PHF21B: variants seen among roughly 807,000 people sequenced by gnomAD.
PHF21B encodes the protein PHD finger protein 21B.
PHF21B carries 22 observed loss-of-function variants against 62.2 expected under a neutral mutation model. That is an observed-to-expected ratio of 0.35 (90% confidence interval 0.25 to 0.51). The LOEUF (loss-of-function observed/expected upper bound fraction) is 0.51, where lower values mean the gene tolerates loss of function less well. PHF21B is among the 20% of genes least tolerant of loss of function. The pLI, the probability that PHF21B is intolerant of heterozygous loss-of-function variation, is 0.97. For synonymous variants in PHF21B, 341 were observed against 314.7 expected (o/e 1.08, Z -0.88); for missense variants, 701 against 707.9 (o/e 0.99, Z 0.11).
At chr22:44,954,807 T>G (rs2072262181) in intron 2 of PHF21B, among the ~76,000 whole-genome samples, 1 of 151,728 alleles carries the variant, frequency 6.6e-6, no homozygotes, top group Non-Finnish European at 1.5e-5. Flanking sequence ...AACCGAGGAG[T>G]GGTCTGGCCC....
chr22:44,926,930 G>A (rs1352728259), intron 2 of PHF21B, among the ~76,000 whole-genome samples: 2 of 152,144 alleles, frequency 1.3e-5, no homozygotes. Context: ...GCACAGCTCT[G>A]CTTCCACACG....
chr22:44,895,921 C>T, intron 6 of PHF21B, 111 bp downstream of exon 6: 5 of 1,151,702 alleles, frequency 4.3e-6, no homozygotes, highest in Non-Finnish European at 5.2e-6. Flanking sequence ...ACGCTCCACC[C>T]ATATCGGCTG....
At chr22:44,902,363 C>A in intron 5 of PHF21B, 1 of 347,266 alleles carries the variant, frequency 2.9e-6, no homozygotes. Context: ...TCCTCAGCTC[C>A]AGGGCTACCT....
At chr22:44,901,961 CA>C in intron 5 of PHF21B, 1 of 211,378 alleles carries the variant, frequency 4.7e-6, no homozygotes, top group Non-Finnish European at 9.8e-6. Context: ...TGAGCCATGG[CA>C]AAAACCCCTT....
At chr22:44,945,011 G>C (rs1009802640) in intron 2 of PHF21B, among the ~76,000 whole-genome samples, 1 of 116,894 alleles carries the variant, frequency 8.6e-6, no homozygotes, top group South Asian at 2.4e-4. Context: ...CCTGCATACC[G>C]GGCTGCGCCT....
At chr22:44,967,774 G>A (rs549929403) in intron 2 of PHF21B, among the ~76,000 whole-genome samples, 36 of 152,206 alleles carry the variant, frequency 2.4e-4, no homozygotes, top group Admixed American at 1.6e-3. Context: ...GGATCCCAAC[G>A]AGGATCCCAC....
intron 2 of PHF21B, among the ~76,000 whole-genome samples, chr22:44,972,334 C>T (rs41278903): frequency 0.032 from 4,830 of 152,258 alleles, 102 homozygotes; most frequent in Middle Eastern, 0.061. Context: ...TCATGAGTGA[C>T]GGATTTGGGC....
intron 2 of PHF21B, among the ~76,000 whole-genome samples, chr22:44,946,663 T>C (rs1398766438): frequency 6.6e-6 from 1 of 151,988 alleles, no homozygotes; most frequent in East Asian, 1.9e-4. Context: ...GGTGCGTGGG[T>C]AGAATCAATT....
intron 2 of PHF21B, among the ~76,000 whole-genome samples, chr22:44,949,279 T>C (rs136706): frequency 0.88 from 128,205 of 146,264 alleles, 56,225 homozygotes; most frequent in East Asian, 0.97. Context: ...TCAGCCTGGG[T>C]AACAAGAGCG....
chr22:44,896,878 C>CTTTTTTTTTTTTTTTTTTTTTTT (rs1439624625), intron 5 of PHF21B, among the ~76,000 whole-genome samples: 1 of 37,328 alleles, frequency 2.7e-5, no homozygotes, highest in Non-Finnish European at 5.9e-5. Flanking sequence ...TTAGTTTTAT[C>CTTTTTTTTTTTTTTTTTTTTTTT]TGTTTTTTTT....
intron 5 of PHF21B, among the ~76,000 whole-genome samples, chr22:44,903,690 AC>A (rs1405305789): frequency 6.6e-6 from 1 of 152,232 alleles, no homozygotes; most frequent in Non-Finnish European, 1.5e-5. Flanking sequence ...AAGTAATTGC[AC>A]AATTACTTTT....
At position 45,009,588 on chromosome 22, in the gene PHF21B, C is replaced by T. The variant is rs1463607262; in HGVS notation, c.-39G>A. The T allele has an allele frequency of 6.6e-7, 1 of 1,520,464 alleles. No homozygotes were observed. Among genetic ancestry groups the T allele is most frequent in the Non-Finnish European group, 8.7e-7 (1 of 1,145,348 alleles). 94.2% of individuals were successfully genotyped at this position (1,520,464 alleles called of 1,614,324 possible). On this transcript the variant is annotated 5_prime_UTR_variant, in exon 1 of 13. Transcript: ENST00000313237. The surrounding 1 kb of genome is among the most constrained non-coding windows in gnomAD (Gnocchi z 5.9). ...GCAGCACTTTGCGCTCACTTTGGCC[C>T]GGGCTCCCGGGAAGTTGCGCGGCTC... is the stretch of plus-strand genomic sequence containing the variant.
chr22:44,988,967 C>T (rs1169570390), intron 2 of PHF21B, among the ~76,000 whole-genome samples: 2 of 152,176 alleles, frequency 1.3e-5, no homozygotes, highest in African/African-American at 4.8e-5. Flanking sequence ...CACCCTCAGC[C>T]TCTTTTATAA....
chr22:44,883,885 T>C (rs2070781773), intron 12 of PHF21B, among the ~76,000 whole-genome samples: 1 of 151,738 alleles, frequency 6.6e-6, no homozygotes, highest in Admixed American at 6.6e-5. Flanking sequence ...GAGGATTAAA[T>C]GAGACACTGC....
intron 2 of PHF21B, among the ~76,000 whole-genome samples, chr22:44,984,029 T>C (rs112995560): frequency 0.067 from 10,060 of 149,544 alleles, 546 homozygotes; most frequent in South Asian, 0.16. Context: ...GCCATCATCA[T>C]TGGCATCATC....
Position 44,913,946 on chromosome 22 carries a change from G to C in PHF21B, c.707C>G (p.Pro236Arg), listed in dbSNP as rs1194759332. The change falls in exon 5 of 13, where the codon CCT (proline) becomes CGT (arginine). Residue 236 changes from proline (P) to arginine (R), a missense_variant. By Grantham distance (103) the Pro-to-Arg change is moderately radical. Transcript: ENST00000313237. ...HGIFQVIIIQPQVQTQPESTA... is the reference protein window; with the variant it reads ...HGIFQVIIIQRQVQTQPESTA... The stretch of plus-strand genomic sequence containing the variant: ...GCTCTCGGGCTGCGTCTGCACTTGA[G>C]GCTGAATGATGATGACCTGGAAGAT... 1.2e-6 allele frequency: 2 copies of C among 1,613,566 alleles called. No homozygotes were observed. Among genetic ancestry groups the C allele is most frequent in the Non-Finnish European group, 1.7e-6 (2 of 1,179,854 alleles).
chr22:44,892,920 T>C (rs1186650327), intron 7 of PHF21B, among the ~76,000 whole-genome samples: 1 of 152,142 alleles, frequency 6.6e-6, no homozygotes, highest in African/African-American at 2.4e-5. Context: ...ACTGGACCGA[T>C]TTTGGTGTAG....
At chr22:44,999,738 G>A (rs2073180624) in intron 2 of PHF21B, among the ~76,000 whole-genome samples, 1 of 152,004 alleles carries the variant, frequency 6.6e-6, no homozygotes, top group African/African-American at 2.4e-5. Context: ...GCACCCAATG[G>A]TCCAGAACTG....
intron 2 of PHF21B, among the ~76,000 whole-genome samples, chr22:44,964,533 A>C (rs915837322): frequency 6.6e-6 from 1 of 152,208 alleles, no homozygotes; most frequent in Non-Finnish European, 1.5e-5. Context: ...GATTTTACTC[A>C]CTGCGGCTCA....
Sources: gnomAD v4.1 joint callset for allele counts (sites outside exome capture counted in the v4.1 genomes callset) on GRCh38, gnomAD v4.1.1 for gene constraint, Gnocchi (gnomAD v3.1) non-coding constraint, MANE v1.5 for transcripts, NCBI Gene and HGNC (gene_info 2026-07-23, HGNC 2026-07-21) for gene names.